Variants in WDR62 observed in about 807,000 individuals in gnomAD.
WDR62 encodes the protein WD repeat-containing protein 62.
WDR62 carries 112 observed loss-of-function variants against 160.6 expected under a neutral mutation model. That is an observed-to-expected ratio of 0.70 (90% CI 0.60 to 0.82). The LOEUF (loss-of-function observed/expected upper bound fraction) is 0.82. Ranked by LOEUF, WDR62 falls within the 40% of genes least tolerant of loss-of-function variation. The pLI, the probability that WDR62 is intolerant of heterozygous loss-of-function variation, is 0.00. For synonymous variants in WDR62, 792 were observed against 815.1 expected, an observed-to-expected ratio of 0.97 and a Z score of 0.48; for missense variants, 1,819 against 1,983.8, an observed-to-expected ratio of 0.92 and a Z score of 1.58.
chr19:36,094,000 C>G, intron 19 of WDR62, 31 bp from the exon 20 acceptor site: 1 of 1,612,954 alleles, frequency 6.2e-7, no homozygotes, highest in Non-Finnish European at 8.5e-7. Flanking sequence ...TGCCTGTATT[C>G]TCTCCTTACC....
rs529615677 is a variant in WDR62 at position 36,089,869 on chromosome 19, C to G, written c.1958+563C>G. 3.9e-5 allele frequency among the ~76,000 whole-genome samples: 6 copies of G among 152,324 alleles called. No individual in the cohort carries two copies. The East Asian group carries it at 9.7e-4, about 25-fold the overall frequency. On this transcript the variant is annotated intron_variant, in intron 15 of 31. Coordinates refer to ENST00000401500, the MANE Select transcript of WDR62 (RefSeq NM_001083961.2). ...AAGGTGCTGATGTGGCACATAAACTCCCTCATTCACCCGTATTCCCTGAGC... is the reference window on the plus strand; with the variant it reads ...AAGGTGCTGATGTGGCACATAAACTGCCTCATTCACCCGTATTCCCTGAGC...
intron 3 of WDR62, among the ~76,000 whole-genome samples, chr19:36,065,217 A>G (rs1970870260): frequency 6.6e-6 from 1 of 152,200 alleles, no homozygotes; most frequent in Admixed American, 6.5e-5. Flanking sequence ...CCTGGGAAGC[A>G]GGTTGACTTG....
In WDR62 at chr19:36,094,776, G is replaced by A. The variant is rs552634999; in HGVS notation, c.2467+612G>A. ...TAGCCAGGCATAGTGGCACACATCTGTAGTCCCAACTACATGGGAGGCTGA... is the reference window on the plus strand; with the variant it reads ...TAGCCAGGCATAGTGGCACACATCTATAGTCCCAACTACATGGGAGGCTGA... On this transcript the variant is annotated intron_variant, in intron 20 of 31. Coordinates refer to ENST00000401500, the MANE Select transcript of WDR62 (RefSeq NM_001083961.2). Among the ~76,000 whole-genome samples the A allele has an allele frequency of 3.9e-4, 60 of 152,082 alleles. 1 individual carries two copies. The highest frequency in any genetic ancestry group is 3.4e-3 in the Middle Eastern group (1 of 290).
Position 36,096,668 on chromosome 19 carries a change from G to A in WDR62, c.2468-359G>A, listed in dbSNP as rs377339783. 4.7e-4 allele frequency among the ~76,000 whole-genome samples: 70 copies of A among 149,722 alleles called. No homozygotes were observed. The South Asian group carries it at 0.014, about 29-fold the overall frequency. ...GGAGGTTGCAGTGAGCCGAGATCGC[G>A]CCACTGCACTCCAGCCTGGGCAACA... On this transcript the variant is annotated intron_variant, in intron 20 of 31. Coordinates refer to ENST00000401500, the MANE Select transcript of WDR62 (RefSeq NM_001083961.2).
intron 10 of WDR62, 69 bp from the exon 11 acceptor site, chr19:36,082,994 A>T: frequency 7.1e-7 from 1 of 1,408,622 alleles, no homozygotes; most frequent in South Asian, 1.2e-5. Context: ...GAGACTGGCT[A>T]TGGAGGGACA....
rs1970572514 is a variant in WDR62 at position 36,060,131 on chromosome 19, C to T, written c.332+101C>T. 1.4e-5 allele frequency: 17 copies of T among 1,182,656 alleles called. No individual in the cohort carries two copies. The South Asian group carries it at 1.9e-4, about 14-fold the overall frequency. 73.3% of individuals were successfully genotyped at this position (1,182,656 alleles called of 1,614,324 possible). ...AGATACTCATGGGTAGGTGCTCACT[C>T]ATTCACTTACATGTTGGCTCAGCAG... On this transcript the variant is annotated intron_variant, in intron 3 of 31. Coordinates refer to ENST00000401500, the MANE Select transcript of WDR62 (RefSeq NM_001083961.2).
chr19:36,072,403 G>A (rs1272603878), intron 8 of WDR62, among the ~76,000 whole-genome samples: 4 of 152,182 alleles, frequency 2.6e-5, no homozygotes, highest in Non-Finnish European at 2.9e-5. Flanking sequence ...AGTGTGGGGC[G>A]CCTGTAGTCT....
chr19:36,058,771 T>C lies in WDR62; in HGVS notation c.178-9T>C. 1 of 1,613,768 alleles carries C rather than the reference T, an allele frequency of 6.2e-7. No individual in the cohort carries two copies. Among genetic ancestry groups the C allele is most frequent in the Non-Finnish European group, 8.5e-7 (1 of 1,179,752 alleles). On this transcript the variant is annotated splice_polypyrimidine_tract_variant and intron_variant, in intron 1 of 31. Coordinates refer to ENST00000401500, the MANE Select transcript of WDR62 (RefSeq NM_001083961.2). ...GTGGGTGCCTCTGACTTGGGCTTTT[T>C]CTTTGCAGGTGTCACTCGAGAAGGT...
intron 13 of WDR62, among the ~76,000 whole-genome samples, chr19:36,088,609 C>T (rs910538393): frequency 6.6e-6 from 1 of 152,196 alleles, no homozygotes; most frequent in Non-Finnish European, 1.5e-5. Context: ...GGTGAGCATT[C>T]AGGAAGACCC....
intron 2 of WDR62, 185 bp downstream of exon 2, chr19:36,059,056 AT>A: frequency 1.4e-6 from 1 of 713,018 alleles, no homozygotes; most frequent in Non-Finnish European, 2.6e-6. Flanking sequence ...AGTTCCTGGC[AT>A]GTAGTGAGTG....
At chr19:36,087,472 C>T (rs1972313597) in intron 13 of WDR62, among the ~76,000 whole-genome samples, 1 of 147,974 alleles carries the variant, frequency 6.8e-6, no homozygotes, top group African/African-American at 2.5e-5. Flanking sequence ...GCGCCAGTGA[C>T]TCCACTCCAG....
At chr19:36,065,103 T>C (rs2030477153) in intron 3 of WDR62, among the ~76,000 whole-genome samples, 1 of 152,164 alleles carries the variant, frequency 6.6e-6, no homozygotes, top group South Asian at 2.1e-4. Context: ...TGTACCTGCA[T>C]AGTTGCAAGC....
chr19:36,096,737 A>G (rs1478119086), intron 20 of WDR62, among the ~76,000 whole-genome samples: 1 of 151,168 alleles, frequency 6.6e-6, no homozygotes, highest in Non-Finnish European at 1.5e-5. Context: ...AGAGAACCCC[A>G]AGAGTTCTCC....
chr19:36,056,692 G>A (rs929697102), intron 1 of WDR62, among the ~76,000 whole-genome samples: 2 of 152,188 alleles, frequency 1.3e-5, no homozygotes, highest in Admixed American at 6.5e-5. Flanking sequence ...TCAGAGAGGC[G>A]TTATAGCAAA....
At chr19:36,105,370 G>T (rs568661046), downstream of WDR62, among the ~76,000 whole-genome samples, 56 of 152,216 alleles carry the variant, frequency 3.7e-4, no homozygotes, top group Non-Finnish European at 7.8e-4. Context: ...CCTCTTACCT[G>T]CCCCCTGCCA....
downstream of WDR62, among the ~76,000 whole-genome samples, chr19:36,107,407 G>C (rs1973735636): frequency 6.6e-6 from 1 of 152,170 alleles, no homozygotes; most frequent in South Asian, 2.1e-4. Flanking sequence ...GTTAGATGTG[G>C]AGTGCAGGGG....
intron 10 of WDR62, among the ~76,000 whole-genome samples, chr19:36,082,624 TCAAAA>T (rs1290073830): frequency 1.3e-5 from 2 of 152,180 alleles, no homozygotes; most frequent in Admixed American, 6.5e-5. Context: ...ATAGAAAAAC[TCAAAA>T]CAAGAGGTAA....
Position 36,066,515 on chromosome 19 carries a change from G to A in WDR62, c.561+88G>A, listed in dbSNP as rs181701336. The A allele has an allele frequency of 1.1e-3, 1,551 of 1,429,848 alleles. 17 individuals are homozygous for A. The Admixed American group carries it at 0.023, about 21-fold the overall frequency. 88.6% of individuals were successfully genotyped at this position (1,429,848 alleles called of 1,614,324 possible). On this transcript the variant is annotated intron_variant, in intron 5 of 31. Transcript: ENST00000401500. ...CACAGGGAGAGCTACATGAGAGGAC[G>A]CAGTAAAGTGCTCACTCACCCAACA... is the stretch of plus-strand genomic sequence containing the variant.
intron 1 of WDR62, among the ~76,000 whole-genome samples, 177 bp from the exon 2 acceptor site, chr19:36,058,603 C>T (rs933540870): frequency 6.6e-6 from 1 of 152,238 alleles, no homozygotes; most frequent in Non-Finnish European, 1.5e-5. Flanking sequence ...TTTCACCTAG[C>T]GTTGTATTTG....
Sources: gnomAD v4.1 joint callset for allele counts (sites outside exome capture counted in the v4.1 genomes callset) on GRCh38, gnomAD v4.1.1 for gene constraint, MANE v1.5 for transcripts, NCBI Gene and HGNC (gene_info 2026-07-23, HGNC 2026-07-21) for gene names.